Variants in DPYSL2 observed in about 807,000 individuals in gnomAD.
DPYSL2 encodes the protein dihydropyrimidinase like 2.
In DPYSL2, 13 loss-of-function variants were observed where a neutral mutation model predicts 69.9. That is an observed-to-expected ratio of 0.19 (90% CI 0.12 to 0.30). DPYSL2 has a LOEUF of 0.30. Ranked by LOEUF, DPYSL2 falls within the 10% of genes least tolerant of loss-of-function variation. DPYSL2 has a pLI of 1.00. For missense variants in DPYSL2, 587 were observed against 918.9 expected (o/e 0.64, Z 4.67); for synonymous variants, 326 against 359.1 (o/e 0.91, Z 1.04).
At position 26,580,620 on chromosome 8, in the gene DPYSL2, T is replaced by C. The variant is rs1801470547; in HGVS notation, c.355-1349T>C. On this transcript the variant is annotated intron_variant, in intron 1 of 13. Coordinates refer to ENST00000521913, the MANE Select transcript of DPYSL2 (RefSeq NM_001197293.3). The surrounding 1 kb of genome is among the most constrained non-coding windows in gnomAD (Gnocchi z 4.1). ...TATTTATGTGTAAAATTATCTTTTT[T>C]CCTTGCTCTCTAGTAGCTTATCTCT... 6.6e-6 allele frequency among the ~76,000 whole-genome samples: 1 copy of C among 152,240 alleles called. No individual in the cohort carries two copies. The highest frequency in any genetic ancestry group is 1.5e-5 in the Non-Finnish European group (1 of 68,050).
At chr8:26,651,717 C>G (rs995912224) in intron 11 of DPYSL2, among the ~76,000 whole-genome samples, 3 of 152,230 alleles carry the variant, frequency 2.0e-5, no homozygotes, top group African/African-American at 7.2e-5. Context: ...CTACATTGTT[C>G]TGGAAATTAA....
At chr8:26,636,488 A>G (rs1382903810) in intron 8 of DPYSL2, among the ~76,000 whole-genome samples, 1 of 152,220 alleles carries the variant, frequency 6.6e-6, no homozygotes, top group East Asian at 1.9e-4. Context: ...GTAATTTTGG[A>G]TAGAGACCTT....
At position 26,598,218 on chromosome 8, in the gene DPYSL2, A is replaced by G. The variant is rs765477826; in HGVS notation, c.628+14235A>G. On this transcript the variant is annotated intron_variant, in intron 3 of 13. Transcript: ENST00000521913. This position sits in a 1 kb window ranked among gnomAD's most constrained non-coding sequence, Gnocchi z 4.2. ...TGACCCGTGGCTACTGTGGTATTCG[A>G]AGGGCTAAATTTGTTTTGTGACTTT... Among the ~76,000 whole-genome samples, 1 of 152,168 alleles carries G rather than the reference A, an allele frequency of 6.6e-6. No individual in the cohort carries two copies. The highest frequency in any genetic ancestry group is 1.5e-5 in the Non-Finnish European group (1 of 68,036).
At position 26,587,165 on chromosome 8, in the gene DPYSL2, GGC is replaced by G. The variant is rs1425302017; in HGVS notation, c.628+3183_628+3184del. Among the ~76,000 whole-genome samples the G allele has an allele frequency of 1.3e-5, 2 of 152,266 alleles. No individual in the cohort carries two copies. Among genetic ancestry groups the G allele is most frequent in the South Asian group, 4.1e-4 (2 of 4,822 alleles). Reference sequence around the variant, plus strand: ...CTGGGATTTGCTTTACAGAGAAGGAGGCCTTGCAAAGAGAAATAGCTTAATGC... The same window carrying G: ...CTGGGATTTGCTTTACAGAGAAGGAGCTTGCAAAGAGAAATAGCTTAATGC... On this transcript the variant is annotated intron_variant, in intron 3 of 13. Transcript: ENST00000521913. This position sits in a 1 kb window ranked among gnomAD's most constrained non-coding sequence, Gnocchi z 4.2.
At position 26,624,230 on chromosome 8, in the gene DPYSL2, A is replaced by T. The variant is rs1802565219; in HGVS notation, c.716A>T (p.Asp239Val). The T allele has an allele frequency of 6.2e-7, 1 of 1,614,076 alleles. No homozygotes were observed. Among genetic ancestry groups the T allele is most frequent in the Non-Finnish European group, 8.5e-7 (1 of 1,180,044 alleles). The change falls in exon 4 of 14, where the codon GAC becomes GTC. Residue 239 changes from aspartate (D) to valine (V), a missense_variant. Physicochemically the swap from Asp to Val is radical, Grantham distance 152 (BLOSUM62 -3). This residue lies in a region of DPYSL2 where 452 missense variants were observed against 754.3 expected (regional missense o/e 0.60). Transcript: ENST00000521913. The surrounding 1 kb of genome is among the most constrained non-coding windows in gnomAD (Gnocchi z 4.7). ...REWADSKSCCDYSLHVDISEW... is the reference protein window; with the variant it reads ...REWADSKSCCVYSLHVDISEW... ...TGGGCCGACAGCAAGTCCTGCTGTGACTACTCTCTGCATGTGGACATCAGT... is the reference window on the plus strand; with the variant it reads ...TGGGCCGACAGCAAGTCCTGCTGTGTCTACTCTCTGCATGTGGACATCAGT...
At chr8:26,528,890 T>C (rs1800430436) in intron 1 of DPYSL2, among the ~76,000 whole-genome samples, 1 of 152,066 alleles carries the variant, frequency 6.6e-6, no homozygotes, top group Admixed American at 6.6e-5. Context: ...TGATGGGCCC[T>C]GGAGCATAGT....
At chr8:26,530,144 AGAAAAGAATTAACT>A (rs1358433491) in intron 1 of DPYSL2, among the ~76,000 whole-genome samples, 6 of 151,578 alleles carry the variant, frequency 4.0e-5, no homozygotes, top group Non-Finnish European at 8.8e-5. Context: ...AAGGAAAGAA[AGAAAAGAATTAACT>A]GAAAAGAAAA....
At chr8:26,561,149 T>C (rs987429320) in intron 1 of DPYSL2, among the ~76,000 whole-genome samples, 1 of 152,126 alleles carries the variant, frequency 6.6e-6, no homozygotes, top group African/African-American at 2.4e-5. Context: ...GCCCATCGGA[T>C]GTGGGAGTGG....
At chr8:26,578,230 AAATT>A (rs1292842737) in intron 1 of DPYSL2, 1 of 1,613,806 alleles carries the variant, frequency 6.2e-7, no homozygotes, top group East Asian at 2.2e-5. Flanking sequence ...TGCCCTCTTG[AAATT>A]AATTTTTTCC....
In DPYSL2 at chr8:26,655,543, T is replaced by G. The variant is rs571741980; in HGVS notation, c.1943-72T>G. On this transcript the variant is annotated intron_variant, in intron 13 of 13. Coordinates refer to ENST00000521913, the MANE Select transcript of DPYSL2 (RefSeq NM_001197293.3). ...CACTTTTCCTCCTGAGCTGTGAGATTTCACCTTCAAGCAGGATCTTGTGTG... is the reference window on the plus strand; with the variant it reads ...CACTTTTCCTCCTGAGCTGTGAGATGTCACCTTCAAGCAGGATCTTGTGTG... The G allele has an allele frequency of 1.8e-5, 24 of 1,342,770 alleles. No homozygotes were observed. In the East Asian group the frequency reaches 5.6e-4, roughly 31 times the overall value. 83.2% of individuals were successfully genotyped at this position (1,342,770 alleles called of 1,614,324 possible).
chr8:26,536,775 TGTAA>T (rs1489039133), intron 1 of DPYSL2, among the ~76,000 whole-genome samples: 1 of 152,194 alleles, frequency 6.6e-6, no homozygotes, highest in Non-Finnish European at 1.5e-5. Context: ...AAGAGGAATC[TGTAA>T]GTAAGTCTTA....
In DPYSL2 at chr8:26,559,905, G is replaced by C. The variant is rs184912038; in HGVS notation, c.355-22064G>C. Reference sequence around the variant, plus strand: ...AGTAGGAAGTCAGGGTTGCAGGGAGGAGCCCCCTGTGATGTCTCAGTAATC... The same window carrying C: ...AGTAGGAAGTCAGGGTTGCAGGGAGCAGCCCCCTGTGATGTCTCAGTAATC... On this transcript the variant is annotated intron_variant, in intron 1 of 13. Transcript: ENST00000521913. 5.5e-3 allele frequency among the ~76,000 whole-genome samples: 838 copies of C among 152,204 alleles called. 2 individuals carry two copies. Among genetic ancestry groups the C allele is most frequent in the Middle Eastern group, 0.01 (3 of 294 alleles).
rs747165286 is a variant in DPYSL2, at chr8:26,517,289, C to G, written c.354+2610C>G. 5.8e-4 allele frequency among the ~76,000 whole-genome samples: 88 copies of G among 152,268 alleles called. No homozygotes were observed. The highest frequency in any genetic ancestry group is 7.8e-4 in the Non-Finnish European group (53 of 68,032). On this transcript the variant is annotated intron_variant, in intron 1 of 13. Transcript: ENST00000521913. The surrounding 1 kb of genome is among the most constrained non-coding windows in gnomAD (Gnocchi z 4.2). ...CTCATGGAAGATGAGAGATGTTGGA[C>G]ATGTGCATTTGCAGGAACTAAATGA...
chr8:26,526,844 G>A (rs1157216707), intron 1 of DPYSL2, among the ~76,000 whole-genome samples: 2 of 152,226 alleles, frequency 1.3e-5, no homozygotes, highest in Admixed American at 1.3e-4. Flanking sequence ...GGTATGAGAA[G>A]GATCTGGGCT....
intron 1 of DPYSL2, among the ~76,000 whole-genome samples, chr8:26,539,593 A>G (rs13273880): frequency 0.35 from 53,324 of 152,056 alleles, 11,546 homozygotes; most frequent in East Asian, 0.67. Context: ...AGGCTGGAGT[A>G]CAGTGGTGTG....
Position 26,644,587 on chromosome 8 carries a change from G to T in DPYSL2, c.1425+496G>T, listed in dbSNP as rs1803121741. Among the ~76,000 whole-genome samples the T allele has an allele frequency of 6.6e-6, 1 of 151,942 alleles. No homozygotes were observed. The highest frequency in any genetic ancestry group is 2.4e-5 in the African/African-American group (1 of 41,352). On this transcript the variant is annotated intron_variant, in intron 10 of 13. Transcript: ENST00000521913. This position sits in a 1 kb window ranked among gnomAD's most constrained non-coding sequence, Gnocchi z 4.5. ...CCCAAAGTGCTGGGATTACAGGTGT[G>T]AGCCACCACGCCTGGCTTACCTGTA...
In DPYSL2 at chr8:26,650,192, AC is replaced by A. The variant is rs966922739; in HGVS notation, c.1597-2061del. On this transcript the variant is annotated intron_variant, in intron 11 of 13. Coordinates refer to ENST00000521913, the MANE Select transcript of DPYSL2 (RefSeq NM_001197293.3). The surrounding 1 kb of genome is among the most constrained non-coding windows in gnomAD (Gnocchi z 5.3). ...GAGTCCTGCAAAGGGGGACCTACTT[AC>A]CCCTCACAGATGAGGAGGTGGAGGC... 1.3e-5 allele frequency among the ~76,000 whole-genome samples: 2 copies of A among 152,160 alleles called. No individual in the cohort carries two copies. Among genetic ancestry groups the A allele is most frequent in the Non-Finnish European group, 2.9e-5 (2 of 68,024 alleles).
chr8:26,549,163 C>G (rs1020261103), intron 1 of DPYSL2, among the ~76,000 whole-genome samples: 2 of 151,296 alleles, frequency 1.3e-5, no homozygotes, highest in African/African-American at 4.9e-5. Context: ...CACTCCAGCC[C>G]AGGTGACAGA....
Position 26,597,587 on chromosome 8 carries a change from G to A in DPYSL2, c.628+13604G>A, listed in dbSNP as rs1169409248. Among the ~76,000 whole-genome samples the A allele has an allele frequency of 1.3e-5, 2 of 151,980 alleles. No homozygotes were observed. The highest frequency in any genetic ancestry group is 2.4e-5 in the African/African-American group (1 of 41,358). On this transcript the variant is annotated intron_variant, in intron 3 of 13. Coordinates refer to ENST00000521913, the MANE Select transcript of DPYSL2 (RefSeq NM_001197293.3). This position sits in a 1 kb window ranked among gnomAD's most constrained non-coding sequence, Gnocchi z 5.2. ...CCTCCCAGGTTCACGCCATTCTCCTGCCTCAGCCTCCCAAGTAGCTGGGAC... is the reference window on the plus strand; with the variant it reads ...CCTCCCAGGTTCACGCCATTCTCCTACCTCAGCCTCCCAAGTAGCTGGGAC...
Sources: allele counts gnomAD v4.1 joint callset (sites outside exome capture counted in the v4.1 genomes callset), GRCh38; gene constraint gnomAD v4.1.1; regional missense constraint gnomAD v4.1.1; non-coding constraint Gnocchi (gnomAD v3.1); transcripts MANE v1.5; gene names NCBI Gene and HGNC (gene_info 2026-07-23, HGNC 2026-07-21).